SZT2: variants seen among roughly 807,000 people sequenced by gnomAD.
SZT2 encodes SZT2 subunit of KICSTOR complex.
In SZT2, 216 loss-of-function variants were observed where a neutral mutation model predicts 404.2. The observed-to-expected ratio is 0.53, with a 90% CI of 0.48 to 0.60. The LOEUF (loss-of-function observed/expected upper bound fraction) is 0.60. Among genes scored for constraint, SZT2 ranks in the 20% least tolerant of loss-of-function variants. The pLI is 0.00. For missense variants in SZT2, 3,857 were observed against 4,459.2 expected, an observed-to-expected ratio of 0.86 and a Z score of 3.85; for synonymous variants, 1,693 against 1,749.9, an observed-to-expected ratio of 0.97 and a Z score of 0.81.
intron 4 of SZT2, among the ~76,000 whole-genome samples, chr1:43,408,107 C>T (rs1433693247): frequency 2.0e-5 from 3 of 152,136 alleles, no homozygotes; most frequent in Non-Finnish European, 2.9e-5. Flanking sequence ...GCTGGGATTA[C>T]AGGCGTGAGC....
intron 4 of SZT2, among the ~76,000 whole-genome samples, chr1:43,414,572 C>G (rs1651476046): frequency 6.6e-6 from 1 of 152,098 alleles, no homozygotes; most frequent in African/African-American, 2.4e-5. Context: ...AGGTGCCCAC[C>G]ACCATGCACA....
rs1570713104 is a variant in SZT2, at chr1:43,441,375, A to G, written c.7506A>G (p.Arg2502=). ...CAGGCTCAGATTCTGGAGCCCAGAGACAAAAGTATGTGTGTGGTGGTGGTG... is the reference window on the plus strand; with the variant it reads ...CAGGCTCAGATTCTGGAGCCCAGAGGCAAAAGTATGTGTGTGGTGGTGGTG... ...RAPGSDSGAQ[R]QKRRTTQLEE... is the part of the protein sequence containing the mutation. The change falls in exon 53 of 72, where the codon AGA becomes AGG. Residue 2502 remains arginine (R), a synonymous_variant. Coordinates refer to ENST00000634258, the MANE Select transcript of SZT2 (RefSeq NM_001365999.1). This position sits in a 1 kb window ranked among gnomAD's most constrained non-coding sequence, Gnocchi z 4.8. The G allele has an allele frequency of 1.9e-6, 3 of 1,614,070 alleles. No homozygotes were observed. Among genetic ancestry groups the G allele is most frequent in the Non-Finnish European group, 2.5e-6 (3 of 1,179,968 alleles).
chr1:43,428,240 G>A lies in SZT2; in HGVS notation c.3920G>A (p.Gly1307Glu). Reference sequence around the variant, plus strand: ...TCATGGCCCCTTCCACTTCCATCAGGGCTATTCCGCAGCTTGCAGCAAGCA... The same window carrying A: ...TCATGGCCCCTTCCACTTCCATCAGAGCTATTCCGCAGCTTGCAGCAAGCA... Reference protein sequence around the residue: ...QEHAQRCYVRGLFRSLQQAQS... With the variant: ...QEHAQRCYVRELFRSLQQAQS... Residue 1307 changes from glycine (G) to glutamate (E), a missense_variant and splice_region_variant, in exon 28 of 72, where the codon GGG (glycine) becomes GAG (glutamate). Physicochemically the swap from Gly to Glu is moderately conservative, Grantham distance 98 (BLOSUM62 -2). Coordinates refer to ENST00000634258, the MANE Select transcript of SZT2 (RefSeq NM_001365999.1). The A allele has an allele frequency of 6.2e-7, 1 of 1,614,164 alleles. No homozygotes were observed. The highest frequency in any genetic ancestry group is 1.1e-5 in the South Asian group (1 of 91,088).
At chr1:43,421,093 G>T in intron 10 of SZT2, 81 bp from the exon 11 acceptor site, 1 of 1,596,002 alleles carries the variant, frequency 6.3e-7, no homozygotes, top group East Asian at 2.2e-5. Context: ...CTTATATCCA[G>T]GGTCCCATGT....
chr1:43,440,688 G>C (rs1030660995), intron 52 of SZT2, 102 bp downstream of exon 52: 2 of 1,414,944 alleles, frequency 1.4e-6, no homozygotes, highest in Non-Finnish European at 1.9e-6. Flanking sequence ...CCTTGCCACA[G>C]TGTCCTTTCA....
chr1:43,403,585 C>A lies in SZT2; in HGVS notation c.154-16C>A. ...CTTCGCTGATCCTTTCCTTTTCTTT[C>A]CATCCTAATTTTCAGCTTCAGTCTG... On this transcript the variant is annotated splice_polypyrimidine_tract_variant and intron_variant, in intron 2 of 71. Coordinates refer to ENST00000634258, the MANE Select transcript of SZT2 (RefSeq NM_001365999.1). 1.2e-6 allele frequency: 2 copies of A among 1,604,172 alleles called. No individual in the cohort carries two copies. Among genetic ancestry groups the A allele is most frequent in the African/African-American group, 1.3e-5 (1 of 74,878 alleles).
intron 1 of SZT2, among the ~76,000 whole-genome samples, chr1:43,392,337 A>C (rs1233360344): frequency 6.6e-6 from 1 of 152,050 alleles, no homozygotes; most frequent in African/African-American, 2.4e-5. Flanking sequence ...AGTAGTCTTT[A>C]CCATATAGAG....
In SZT2 at chr1:43,429,831, A is replaced by G. The variant is rs1653641347; in HGVS notation, c.4295A>G (p.His1432Arg). 2 of 1,614,066 alleles carry G rather than the reference A, an allele frequency of 1.2e-6. No individual in the cohort carries two copies. The highest frequency in any genetic ancestry group is 1.3e-5 in the African/African-American group (1 of 74,934). The change falls in exon 29 of 72, where the codon CAT becomes CGT. Residue 1432 changes from histidine to arginine, a missense_variant. Transcript: ENST00000634258. Reference sequence around the variant, plus strand: ...AGAGGAGAGGCCCATGGTGCCCTTCATAGCGTCATCCAGGTGGGAAGCTTG... The same window carrying G: ...AGAGGAGAGGCCCATGGTGCCCTTCGTAGCGTCATCCAGGTGGGAAGCTTG... ...QLRGEAHGAL[H>R]SVIQEKFLEI... is the part of the protein sequence containing the mutation.
In SZT2 at chr1:43,451,537, C is replaced by T. The variant is rs771221314; in HGVS notation, c.*1057C>T. 1 of 1,614,052 alleles carries T rather than the reference C, an allele frequency of 6.2e-7. No homozygotes were observed. The highest frequency in any genetic ancestry group is 1.1e-5 in the South Asian group (1 of 91,074). On this transcript the variant is annotated 3_prime_UTR_variant, in exon 72 of 72. Transcript: ENST00000634258. ...CTCGGCCTGGGACCTGTGCCACCTG[C>T]ACATGCCCTGGGGACAGATGTGGAC...
chr1:43,415,878 C>T, intron 5 of SZT2, 82 bp from the exon 6 acceptor site: 2 of 1,480,120 alleles, frequency 1.4e-6, no homozygotes, highest in South Asian at 2.6e-5. Flanking sequence ...CTGAGAAGTG[C>T]TGGGCTATAA....
In SZT2 at chr1:43,420,381, G is replaced by A; in HGVS notation, c.1261+58G>A. On this transcript the variant is annotated intron_variant, in intron 9 of 71. Transcript: ENST00000634258. This position sits in a 1 kb window ranked among gnomAD's most constrained non-coding sequence, Gnocchi z 5.1. ...AGATCTCTCAAGAATTTGTGTGTGG[G>A]AAGACCCACATGTATCACACATGAA... is the stretch of plus-strand genomic sequence containing the variant. The A allele has an allele frequency of 6.7e-7, 1 of 1,487,404 alleles. No homozygotes were observed. Among genetic ancestry groups the A allele is most frequent in the South Asian group, 1.3e-5 (1 of 76,592 alleles). 92.1% of individuals were successfully genotyped at this position (1,487,404 alleles called of 1,614,324 possible).
Position 43,432,577 on chromosome 1 carries a change from A to T in SZT2, c.5503A>T (p.Ile1835Phe). 3.1e-6 allele frequency: 5 copies of T among 1,613,776 alleles called. No homozygotes were observed. The highest frequency in any genetic ancestry group is 4.2e-6 in the Non-Finnish European group (5 of 1,179,796). The change falls in exon 38 of 72, where the codon ATC (isoleucine) becomes TTC (phenylalanine). Residue 1835 changes from isoleucine to phenylalanine, a missense_variant. Ile to Phe is a conservative substitution (Grantham distance 21, BLOSUM62 0). Around this residue, in one of 7 missense-constraint regions of SZT2, gnomAD observed 1,725 missense variants for 1,881.0 expected, o/e 0.92. Coordinates refer to ENST00000634258, the MANE Select transcript of SZT2 (RefSeq NM_001365999.1). ...AGAGGATTCTGAGGGTGTCCCCCTC[A>T]TCAGCCTGCCCCGCGTGCCACAGGG... ...SPEDSEGVPLISLPRVPQGGS... is the reference protein window; with the variant it reads ...SPEDSEGVPLFSLPRVPQGGS...
rs75185865 is a variant in SZT2 at position 43,437,931 on chromosome 1, C to T, written c.6508+29C>T. On this transcript the variant is annotated intron_variant, in intron 46 of 71. Coordinates refer to ENST00000634258, the MANE Select transcript of SZT2 (RefSeq NM_001365999.1). The surrounding 1 kb of genome is among the most constrained non-coding windows in gnomAD (Gnocchi z 5.3). ...AGGTCTGAGGAGGGGGTAGGGGAGTCGCCACATGAGGTTCCAGAATCCTCT... is the reference window on the plus strand; with the variant it reads ...AGGTCTGAGGAGGGGGTAGGGGAGTTGCCACATGAGGTTCCAGAATCCTCT... 699 of 1,608,116 alleles carry T rather than the reference C, an allele frequency of 4.3e-4. 2 individuals carry two copies. The African/African-American group carries it at 7.3e-3, about 17-fold the overall frequency.
intron 62 of SZT2, among the ~76,000 whole-genome samples, chr1:43,444,773 C>G (rs566384076): frequency 1.3e-5 from 2 of 152,300 alleles, no homozygotes; most frequent in East Asian, 3.9e-4. Flanking sequence ...TCTGCCCTTT[C>G]CCAGTGGCTG....
chr1:43,429,614 G>T, intron 28 of SZT2, 89 bp from the exon 29 acceptor site: 17 of 1,542,860 alleles, frequency 1.1e-5, no homozygotes, highest in South Asian at 3.5e-5. Context: ...GGACAAAAAG[G>T]CTTCCTGTGC....
chr1:43,403,236 T>C lies in SZT2; in HGVS notation c.87T>C (p.Asn29=). 6.2e-7 allele frequency: 1 copy of C among 1,614,164 alleles called. No individual in the cohort carries two copies. Among genetic ancestry groups the C allele is most frequent in the South Asian group, 1.1e-5 (1 of 91,086 alleles). The change falls in exon 2 of 72, where the codon AAT becomes AAC. Residue 29 remains asparagine, a synonymous_variant. Transcript: ENST00000634258. ...AAAAGGATTATCGAATCTCCCGAAA[T>C]GTTCGCCTGGCTTGGTTCCTCAGTC... The part of the protein sequence containing the change: ...LMKKDYRISR[N]VRLAWFLSHL...
chr1:43,441,395 G>A lies in SZT2; in HGVS notation c.7511+15G>A. The A allele has an allele frequency of 1.2e-6, 2 of 1,613,874 alleles. No individual in the cohort carries two copies. The highest frequency in any genetic ancestry group is 1.7e-6 in the Non-Finnish European group (2 of 1,179,832). ...CAGAGACAAAAGTATGTGTGTGGTG[G>A]TGGTGTGCCCTGGGAGGGTATGGGT... On this transcript the variant is annotated intron_variant, in intron 53 of 71. Coordinates refer to ENST00000634258, the MANE Select transcript of SZT2 (RefSeq NM_001365999.1). The surrounding 1 kb of genome is among the most constrained non-coding windows in gnomAD (Gnocchi z 4.8).
chr1:43,442,072 G>A lies in SZT2; in HGVS notation c.7815G>A (p.Glu2605=), dbSNP rs2153935866. Residue 2605 remains glutamate (E), a synonymous_variant, in exon 56 of 72, where the codon GAG becomes GAA. Coordinates refer to ENST00000634258, the MANE Select transcript of SZT2 (RefSeq NM_001365999.1). The surrounding 1 kb of genome is among the most constrained non-coding windows in gnomAD (Gnocchi z 4.5). The part of the protein sequence containing the change: ...QLGPSPRPAA[E]RHLLLLGRNF... The stretch of plus-strand genomic sequence containing the variant: ...GCCCCTCTCCCCGCCCTGCAGCTGA[G>A]CGGCATCTGCTGCTTCTGGGAAGGA... The A allele has an allele frequency of 1.9e-6, 3 of 1,614,090 alleles. No individual in the cohort carries two copies. The East Asian group carries it at 6.7e-5, about 36-fold the overall frequency.
At chr1:43,404,727 C>G in intron 4 of SZT2, 177 bp downstream of exon 4, 1 of 614,956 alleles carries the variant, frequency 1.6e-6, no homozygotes, top group Admixed American at 3.4e-5. Flanking sequence ...ACCAGTTCCT[C>G]TGGACTTAAA....
Sources: gnomAD v4.1 joint callset for allele counts (sites outside exome capture counted in the v4.1 genomes callset) on GRCh38, gnomAD v4.1.1 for gene constraint, gnomAD v4.1.1 regional missense constraint, Gnocchi (gnomAD v3.1) non-coding constraint, MANE v1.5 for transcripts, NCBI Gene and HGNC (gene_info 2026-07-23, HGNC 2026-07-21) for gene names.